Variants in BRMS1L observed in about 807,000 individuals in gnomAD.
The protein encoded by BRMS1L is breast cancer metastasis-suppressor 1-like protein.
In BRMS1L, 23 loss-of-function variants were observed where a neutral mutation model predicts 50.3. That is an observed-to-expected ratio of 0.46 (90% confidence interval 0.33 to 0.65). The LOEUF is 0.65. Ranked by LOEUF, BRMS1L falls within the 30% of genes least tolerant of loss-of-function variation. The probability of loss-of-function intolerance (pLI) is 0.02; values close to 1 mark genes in which losing one functional copy is unlikely to be tolerated. For synonymous variants in BRMS1L, 114 were observed against 126.9 expected (o/e 0.90, Z 0.69); for missense variants, 286 against 386.1 (o/e 0.74, Z 2.17).
chr14:35,843,142 G>A (rs938869693), intron 4 of BRMS1L, among the ~76,000 whole-genome samples: 3 of 152,104 alleles, frequency 2.0e-5, no homozygotes, highest in Admixed American at 6.6e-5. Context: ...TAGCTTGGAC[G>A]AGTTAGTTAT....
chr14:35,860,522 C>T (rs1167266659), intron 4 of BRMS1L, among the ~76,000 whole-genome samples: 2 of 149,786 alleles, frequency 1.3e-5, no homozygotes, highest in Non-Finnish European at 3.0e-5. Context: ...TAGCCAGAGT[C>T]TGTTTCTAAG....
intron 6 of BRMS1L, among the ~76,000 whole-genome samples, chr14:35,864,175 T>C (rs1284446468): frequency 1.3e-5 from 2 of 152,212 alleles, no homozygotes; most frequent in East Asian, 3.8e-4. Context: ...ATCTCAACTT[T>C]GAAAATTAAT....
chr14:35,826,695 C>T, intron 1 of BRMS1L, 37 bp downstream of exon 1: 4 of 1,602,118 alleles, frequency 2.5e-6, no homozygotes, highest in Non-Finnish European at 3.4e-6. Flanking sequence ...AGTCCCCGCG[C>T]CCAGCGCGCG....
At chr14:35,859,376 G>A (rs1048070479) in intron 4 of BRMS1L, among the ~76,000 whole-genome samples, 1 of 152,192 alleles carries the variant, frequency 6.6e-6, no homozygotes, top group Non-Finnish European at 1.5e-5. Context: ...ACACTTAAGA[G>A]TATGGAATTC....
chr14:35,841,890 T>C (rs991321667), intron 4 of BRMS1L, among the ~76,000 whole-genome samples: 1 of 152,190 alleles, frequency 6.6e-6, no homozygotes, highest in African/African-American at 2.4e-5. Context: ...ATAGTTAGTT[T>C]CTCTGGTTGC....
At chr14:35,862,462 T>A (rs1594346672) in intron 4 of BRMS1L, 128 bp from the exon 5 acceptor site, 3 of 398,210 alleles carry the variant, frequency 7.5e-6, no homozygotes, top group East Asian at 4.0e-5. Context: ...TTCTTTAGAA[T>A]TTTTAATTGA....
At chr14:35,840,915 C>T (rs750080380) in intron 4 of BRMS1L, among the ~76,000 whole-genome samples, 3 of 151,936 alleles carry the variant, frequency 2.0e-5, no homozygotes, top group Non-Finnish European at 2.9e-5. Flanking sequence ...TTTGCTCTTG[C>T]TTCTCTAGTT....
At chr14:35,859,187 G>A (rs568587979) in intron 4 of BRMS1L, among the ~76,000 whole-genome samples, 2 of 151,882 alleles carry the variant, frequency 1.3e-5, no homozygotes, top group East Asian at 1.9e-4. Flanking sequence ...CAAGTGATCC[G>A]CCAGCCTCAG....
At chr14:35,852,847 C>T (rs1411150163) in intron 4 of BRMS1L, among the ~76,000 whole-genome samples, 1 of 151,956 alleles carries the variant, frequency 6.6e-6, no homozygotes, top group Admixed American at 6.6e-5. Flanking sequence ...AGGAGAATGG[C>T]GTGAACCCGG....
chr14:35,828,010 T>G (rs1430550191), intron 1 of BRMS1L, among the ~76,000 whole-genome samples: 3 of 152,088 alleles, frequency 2.0e-5, no homozygotes, highest in Admixed American at 6.6e-5. Context: ...TGTGAGTGAT[T>G]TCAAAGAAAG....
At position 35,870,692 on chromosome 14, in the gene BRMS1L, G is replaced by A. The variant is rs2078480356; in HGVS notation, c.*215G>A. 3.5e-6 allele frequency: 1 copy of A among 288,664 alleles called. No homozygotes were observed. The highest frequency in any genetic ancestry group is 6.1e-5 in the South Asian group (1 of 16,324). The allele number at this position is 288,664 out of a possible 1,614,324, so 17.9% of individuals were successfully genotyped here. On this transcript the variant is annotated 3_prime_UTR_variant, in exon 10 of 10. Transcript: ENST00000216807. ...GATCCTTACGTTGATTTGCCTCTTA[G>A]GTCCGATGACCAATAGGTATTCTGT...
intron 4 of BRMS1L, among the ~76,000 whole-genome samples, chr14:35,840,626 A>G (rs2078051284): frequency 1.3e-5 from 2 of 152,082 alleles, no homozygotes; most frequent in South Asian, 2.1e-4. Context: ...GAATTTATCC[A>G]TTTCTTCTAG....
rs577815486 is a variant in BRMS1L, at chr14:35,835,972, A to G, written c.441+1049A>G. On this transcript the variant is annotated intron_variant, in intron 4 of 9. Transcript: ENST00000216807. ...AAATAAGAGGACAAGTTCTATAACGATTCTTCTGTCACTTTAATGTGCCGT... is the reference window on the plus strand; with the variant it reads ...AAATAAGAGGACAAGTTCTATAACGGTTCTTCTGTCACTTTAATGTGCCGT... Among the ~76,000 whole-genome samples the G allele has an allele frequency of 2.6e-5, 4 of 152,364 alleles. No homozygotes were observed. In the South Asian group the frequency reaches 6.2e-4, roughly 24 times the overall value.
intron 4 of BRMS1L, among the ~76,000 whole-genome samples, chr14:35,861,552 T>G (rs1294291112): frequency 6.6e-6 from 1 of 152,214 alleles, no homozygotes; most frequent in Admixed American, 6.5e-5. Flanking sequence ...GAGAACAGCA[T>G]GCAATGAAAC....
chr14:35,862,715 T>C (rs760170004), intron 5 of BRMS1L, 29 bp downstream of exon 5: 4 of 1,529,278 alleles, frequency 2.6e-6, no homozygotes, highest in African/African-American at 1.4e-5. Context: ...TTGTGATGTT[T>C]GAGTGGCACC....
intron 1 of BRMS1L, among the ~76,000 whole-genome samples, chr14:35,830,753 G>T (rs1166398448): frequency 6.6e-6 from 1 of 152,102 alleles, no homozygotes; most frequent in Non-Finnish European, 1.5e-5. Flanking sequence ...GCCTTTAAAG[G>T]ACACAGTCAT....
intron 4 of BRMS1L, among the ~76,000 whole-genome samples, chr14:35,852,121 A>G (rs1765171920): frequency 1.3e-5 from 2 of 152,332 alleles, no homozygotes; most frequent in South Asian, 4.1e-4. Context: ...TTGTGGTTCC[A>G]TTATGAATTT....
chr14:35,827,644 A>G (rs537019951), intron 1 of BRMS1L, among the ~76,000 whole-genome samples: 2 of 152,236 alleles, frequency 1.3e-5, no homozygotes, highest in African/African-American at 4.8e-5. Flanking sequence ...TTTGTGCAGC[A>G]CTGGACAGTA....
At chr14:35,867,518 G>T (rs923529147) in intron 8 of BRMS1L, among the ~76,000 whole-genome samples, 2 of 152,164 alleles carry the variant, frequency 1.3e-5, no homozygotes, top group South Asian at 4.1e-4. Flanking sequence ...ATTAAACTCT[G>T]CTTCTTTCGG....
Sources: gnomAD v4.1 joint callset for allele counts (sites outside exome capture counted in the v4.1 genomes callset) on GRCh38, gnomAD v4.1.1 for gene constraint, MANE v1.5 for transcripts, NCBI Gene and HGNC (gene_info 2026-07-23, HGNC 2026-07-21) for gene names.